The following CA10 variants were observed in gnomAD, a reference collection of about 807,000 sequenced individuals.
CA10 encodes the protein carbonic anhydrase-related protein 10.
In CA10, 14 loss-of-function variants were observed where a neutral mutation model predicts 44.2. That is an observed-to-expected ratio of 0.32 (90% CI 0.21 to 0.50). The LOEUF (loss-of-function observed/expected upper bound fraction) is 0.50. CA10 is among the 20% of genes least tolerant of loss of function. CA10 has a pLI of 0.99. For missense variants in CA10, 350 were observed against 409.7 expected, an observed-to-expected ratio of 0.85 and a Z score of 1.26; for synonymous variants, 159 against 141.6, an observed-to-expected ratio of 1.12 and a Z score of -0.87.
intron 2 of CA10, among the ~76,000 whole-genome samples, chr17:51,942,647 G>C (rs984058959): frequency 6.6e-6 from 1 of 151,606 alleles, no homozygotes; most frequent in Non-Finnish European, 1.5e-5. Flanking sequence ...CCTAATGCAG[G>C]TTCCCACTGC....
intron 4 of CA10, among the ~76,000 whole-genome samples, chr17:51,699,323 CAAAA>C (rs35215515): frequency 7.8e-6 from 1 of 128,866 alleles, no homozygotes. Context: ...AACTCCATCT[CAAAA>C]AAAAAAAAAA....
chr17:52,067,406 G>A (rs1354515243), intron 2 of CA10, among the ~76,000 whole-genome samples: 2 of 152,244 alleles, frequency 1.3e-5, no homozygotes, highest in African/African-American at 4.8e-5. Context: ...CCAGATTTTG[G>A]ATGACGTAGG....
intron 3 of CA10, among the ~76,000 whole-genome samples, chr17:51,794,706 T>C (rs1906643424): frequency 6.6e-6 from 1 of 152,126 alleles, no homozygotes; most frequent in African/African-American, 2.4e-5. Flanking sequence ...GGAATAGAGA[T>C]TGTCAGAGTT....
chr17:52,093,735 T>A (rs1238821169), intron 1 of CA10, among the ~76,000 whole-genome samples: 4 of 152,282 alleles, frequency 2.6e-5, no homozygotes, highest in African/African-American at 9.6e-5. Flanking sequence ...TATTGCTAGC[T>A]TTTATGCAGT....
chr17:51,657,822 C>A (rs1913849266), intron 4 of CA10, among the ~76,000 whole-genome samples: 1 of 152,120 alleles, frequency 6.6e-6, no homozygotes, highest in African/African-American at 2.4e-5. Flanking sequence ...ACTAAGACTG[C>A]AGGGACAATG....
intron 3 of CA10, among the ~76,000 whole-genome samples, chr17:51,750,809 T>C (rs947122142): frequency 1.1e-4 from 16 of 152,352 alleles, no homozygotes; most frequent in Non-Finnish European, 1.6e-4. Context: ...CTTTGTGCCA[T>C]TGGGCAAGTA....
chr17:52,075,041 G>T (rs1231770323), intron 1 of CA10, among the ~76,000 whole-genome samples: 1 of 152,118 alleles, frequency 6.6e-6, no homozygotes, highest in Non-Finnish European at 1.5e-5. Flanking sequence ...TTATGACAGA[G>T]ACCATTTGGC....
chr17:51,800,486 A>G (rs1174893860), intron 3 of CA10, among the ~76,000 whole-genome samples: 1 of 152,230 alleles, frequency 6.6e-6, no homozygotes, highest in East Asian at 1.9e-4. Context: ...GAAGAATTTT[A>G]TGGTGTCTCA....
chr17:51,895,241 G>A (rs986142239), intron 3 of CA10, among the ~76,000 whole-genome samples: 2 of 151,970 alleles, frequency 1.3e-5, no homozygotes, highest in African/African-American at 4.8e-5. Flanking sequence ...TCAGAAACAT[G>A]GGATTCTGAA....
intron 1 of CA10, among the ~76,000 whole-genome samples, chr17:52,123,371 GGT>G (rs34184028): frequency 3.3e-4 from 48 of 146,336 alleles, no homozygotes; most frequent in Middle Eastern, 3.5e-3. Flanking sequence ...ATATATATGG[GGT>G]GTGTGTGTGT....
At chr17:51,634,846 A>G (rs1912753477) in intron 7 of CA10, among the ~76,000 whole-genome samples, 1 of 152,200 alleles carries the variant, frequency 6.6e-6, no homozygotes, top group Non-Finnish European at 1.5e-5. Flanking sequence ...CAAATGCATA[A>G]TGACATCTTC....
chr17:51,667,568 C>CAAAAAAAAA (rs35051892), intron 4 of CA10, among the ~76,000 whole-genome samples: 1 of 146,084 alleles, frequency 6.8e-6, no homozygotes. Flanking sequence ...GCTGAGCAAG[C>CAAAAAAAAA]AAAAAAAAAA....
intron 2 of CA10, among the ~76,000 whole-genome samples, chr17:52,031,202 T>C (rs1043649005): frequency 6.7e-6 from 1 of 150,252 alleles, no homozygotes; most frequent in Non-Finnish European, 1.5e-5. Flanking sequence ...CAGGCTGGAG[T>C]GCAGTGGCAT....
intron 8 of CA10, among the ~76,000 whole-genome samples, chr17:51,632,631 G>A (rs923359273): frequency 3.3e-5 from 5 of 152,224 alleles, no homozygotes; most frequent in East Asian, 1.9e-4. Context: ...GAACTGTCAC[G>A]AAGAAGCCAG....
chr17:51,739,902 C>A (rs1904390067), intron 4 of CA10, among the ~76,000 whole-genome samples: 1 of 152,060 alleles, frequency 6.6e-6, no homozygotes, highest in Non-Finnish European at 1.5e-5. Context: ...TAGTCTGATC[C>A]TAGGAGTAAT....
At chr17:51,884,173 C>A (rs1256443248) in intron 3 of CA10, among the ~76,000 whole-genome samples, 1 of 152,170 alleles carries the variant, frequency 6.6e-6, no homozygotes. Context: ...CACAGCCACC[C>A]TTTCCCTGGA....
chr17:51,849,225 A>ATGTATATATATATATACATATATG (rs1978664329), intron 3 of CA10, among the ~76,000 whole-genome samples: 1 of 29,828 alleles, frequency 3.4e-5, no homozygotes, highest in Non-Finnish European at 6.4e-5. Context: ...ATATACATAT[A>ATGTATATATATATATACATATATG]TGTGTGTGTA....
chr17:52,026,850 C>G (rs181218967), intron 2 of CA10, among the ~76,000 whole-genome samples: 1 of 151,952 alleles, frequency 6.6e-6, no homozygotes, highest in African/African-American at 2.4e-5. Flanking sequence ...GGCGGGGACA[C>G]AGCCAAACCA....
rs1459364928 is a variant in CA10 at position 52,091,326 on chromosome 17, TC to T, written c.62-18934del. ...TAAAAATTTTTAAAAAGGCAAAACC[TC>T]CCACTGTGTGCTGAGCTTCCCCGAA... is the stretch of plus-strand genomic sequence containing the variant. On this transcript the variant is annotated intron_variant, in intron 1 of 8. Coordinates refer to ENST00000451037, the MANE Select transcript of CA10 (RefSeq NM_020178.5). Among the ~76,000 whole-genome samples, 3 of 152,052 alleles carry T rather than the reference TC, an allele frequency of 2.0e-5. No homozygotes were observed. In the South Asian group the frequency reaches 6.2e-4, roughly 32 times the overall value.
Sources: allele counts gnomAD v4.1 joint callset (sites outside exome capture counted in the v4.1 genomes callset), GRCh38; gene constraint gnomAD v4.1.1; transcripts MANE v1.5; gene names NCBI Gene and HGNC (gene_info 2026-07-23, HGNC 2026-07-21).